The following CKAP5 variants were observed in gnomAD, a reference collection of about 807,000 sequenced individuals.
CKAP5 encodes cytoskeleton associated protein 5.
In CKAP5, 27 loss-of-function variants were observed where a neutral mutation model predicts 232.8. The ratio of observed to expected loss-of-function variants is 0.12; its 90% CI spans 0.09 to 0.16. The LOEUF (loss-of-function observed/expected upper bound fraction) is 0.16. Ranked by LOEUF, CKAP5 falls within the 10% of genes least tolerant of loss-of-function variation. The pLI, the probability that CKAP5 is intolerant of heterozygous loss-of-function variation, is 1.00. For synonymous variants in CKAP5, 785 were observed against 841.1 expected, an observed-to-expected ratio of 0.93 and a Z score of 1.16; for missense variants, 1,838 against 2,424.7, an observed-to-expected ratio of 0.76 and a Z score of 5.08.
At chr11:46,828,526 C>T (rs1210366044) in intron 1 of CKAP5, among the ~76,000 whole-genome samples, 1 of 152,090 alleles carries the variant, frequency 6.6e-6, no homozygotes, top group Non-Finnish European at 1.5e-5. Flanking sequence ...TCTTTTTCTT[C>T]CAATGTGTGA....
At chr11:46,799,720 C>T (rs575697634) in intron 9 of CKAP5, among the ~76,000 whole-genome samples, 77 of 152,170 alleles carry the variant, frequency 5.1e-4, no homozygotes, top group Middle Eastern at 3.4e-3. Flanking sequence ...AATTTTAGGC[C>T]GGGTGTGGTG....
chr11:46,790,009 TTCA>T, intron 15 of CKAP5, 64 bp downstream of exon 15: 1 of 1,011,996 alleles, frequency 9.9e-7, no homozygotes, highest in Admixed American at 1.9e-5. Context: ...AAATCCTTCA[TTCA>T]TCAATTTCGC....
At chr11:46,837,799 G>A (rs903704827) in intron 1 of CKAP5, among the ~76,000 whole-genome samples, 2 of 152,106 alleles carry the variant, frequency 1.3e-5, no homozygotes, top group Non-Finnish European at 2.9e-5. Flanking sequence ...ATATACTTGA[G>A]TCCACACTAT....
intron 42 of CKAP5, 42 bp from the exon 43 acceptor site, chr11:46,744,619 A>T (rs753418367): frequency 1.3e-6 from 2 of 1,576,862 alleles, no homozygotes; most frequent in Non-Finnish European, 1.7e-6. Context: ...ATATCCACAT[A>T]TCCCCCTTCT....
chr11:46,809,589 T>G (rs1001560014), intron 6 of CKAP5, 89 bp from the exon 7 acceptor site: 1 of 1,339,932 alleles, frequency 7.5e-7, no homozygotes, highest in South Asian at 1.2e-5. Context: ...CTGATGAAAT[T>G]TTAATAGAGA....
At chr11:46,776,132 A>G in intron 24 of CKAP5, 123 bp downstream of exon 24, 1 of 800,894 alleles carries the variant, frequency 1.2e-6, no homozygotes, top group Non-Finnish European at 1.8e-6. Flanking sequence ...ATGTGATTTC[A>G]TTTTATTAAC....
intron 1 of CKAP5, among the ~76,000 whole-genome samples, chr11:46,825,970 T>TA (rs999967885): frequency 1.3e-3 from 186 of 148,290 alleles, no homozygotes; most frequent in Middle Eastern, 0.01. Context: ...TCCCTCAAAT[T>TA]AAAAAAAAAA....
intron 4 of CKAP5, among the ~76,000 whole-genome samples, chr11:46,815,913 G>T (rs1592477659): frequency 6.6e-6 from 1 of 152,160 alleles, no homozygotes; most frequent in Non-Finnish European, 1.5e-5. Flanking sequence ...ACAACAGGAG[G>T]TGAACAGCTA....
chr11:46,769,814 T>C, intron 26 of CKAP5, 149 bp downstream of exon 26: 1 of 822,464 alleles, frequency 1.2e-6, no homozygotes, highest in Non-Finnish European at 1.9e-6. Context: ...ACTTGACAAG[T>C]GTTTGTGAAA....
rs747586912 is a variant in CKAP5 at position 46,759,039 on chromosome 11, G to A, written c.4573C>T (p.Arg1525Trp). The A allele has an allele frequency of 8.1e-6, 13 of 1,612,602 alleles. No individual in the cohort carries two copies. The highest frequency in any genetic ancestry group is 2.2e-5 in the East Asian group (1 of 44,856). Residue 1525 changes from arginine to tryptophan, a missense_variant, in exon 35 of 44, where the codon CGG becomes TGG. Arg to Trp is a moderately radical substitution (Grantham distance 101). Transcript: ENST00000529230. ...EPVLIPEPKI[R>W]AVSPHFDDMH... is the part of the protein sequence containing the mutation. ...TCATCGAAGTGTGGAGAAACAGCCC[G>A]GATCCTAGATAGCAGAACAAAGAGA...
chr11:46,750,717 G>C, intron 40 of CKAP5, 106 bp from the exon 41 acceptor site: 1 of 846,906 alleles, frequency 1.2e-6, no homozygotes. Context: ...GGCCTTATTG[G>C]TATGTTCCTA....
At chr11:46,779,428 C>T (rs1230481659) in intron 20 of CKAP5, among the ~76,000 whole-genome samples, 4 of 151,920 alleles carry the variant, frequency 2.6e-5, no homozygotes, top group African/African-American at 4.8e-5. Flanking sequence ...CCACCAAGCC[C>T]GGCCAAAATC....
At chr11:46,783,644 G>A (rs1669685006) in intron 17 of CKAP5, among the ~76,000 whole-genome samples, 1 of 150,276 alleles carries the variant, frequency 6.7e-6, no homozygotes, top group African/African-American at 2.5e-5. Flanking sequence ...TCACCCAGGA[G>A]TACAGTGGCA....
chr11:46,769,547 T>G (rs1180339961), intron 26 of CKAP5, among the ~76,000 whole-genome samples: 1 of 151,766 alleles, frequency 6.6e-6, no homozygotes, highest in Non-Finnish European at 1.5e-5. Context: ...AGTAAAAAAT[T>G]TAGCCAGGTG....
intron 4 of CKAP5, among the ~76,000 whole-genome samples, chr11:46,814,345 G>C (rs1478880172): frequency 6.6e-6 from 1 of 151,998 alleles, no homozygotes; most frequent in Non-Finnish European, 1.5e-5. Flanking sequence ...CTTCATTCAC[G>C]TAAGAATCTA....
intron 4 of CKAP5, among the ~76,000 whole-genome samples, chr11:46,814,653 ATCTG>A (rs1374468977): frequency 6.6e-6 from 1 of 152,224 alleles, no homozygotes; most frequent in Non-Finnish European, 1.5e-5. Context: ...CAAACTAGTG[ATCTG>A]TCTAATTCAG....
chr11:46,806,276 T>C (rs1479432830), intron 8 of CKAP5, among the ~76,000 whole-genome samples: 1 of 152,232 alleles, frequency 6.6e-6, no homozygotes, highest in Non-Finnish European at 1.5e-5. Flanking sequence ...GAACTGTCTT[T>C]GTGTGAGAAG....
chr11:46,802,415 G>A (rs1228138889), intron 8 of CKAP5: 1 of 152,130 alleles, frequency 6.6e-6, no homozygotes, highest in Non-Finnish European at 1.5e-5. Context: ...AGTGTGACGT[G>A]TGCCTGTAGT....
intron 31 of CKAP5, 144 bp from the exon 32 acceptor site, chr11:46,762,337 T>C (rs2065162285): frequency 1.0e-6 from 1 of 958,654 alleles, no homozygotes; most frequent in East Asian, 2.4e-5. Context: ...TACTGCCTTT[T>C]ATCAGTGAAA....
Sources: gnomAD v4.1 joint callset for allele counts (sites outside exome capture counted in the v4.1 genomes callset) on GRCh38, gnomAD v4.1.1 for gene constraint, MANE v1.5 for transcripts, NCBI Gene and HGNC (gene_info 2026-07-23, HGNC 2026-07-21) for gene names.